FAM13A: variants seen among roughly 807,000 people sequenced by gnomAD.
FAM13A encodes protein FAM13A.
Under a neutral mutation model 129.6 loss-of-function variants are expected in FAM13A, and 76 were observed. The ratio of observed to expected loss-of-function variants is 0.59; its 90% CI spans 0.49 to 0.71. The LOEUF (loss-of-function observed/expected upper bound fraction) is 0.71. FAM13A is among the 30% of genes least tolerant of loss of function. The pLI is 0.00. For missense variants in FAM13A, 1,108 were observed against 1,249.3 expected, an observed-to-expected ratio of 0.89 and a Z score of 1.70; for synonymous variants, 443 against 449.9, an observed-to-expected ratio of 0.98 and a Z score of 0.20.
intron 13 of FAM13A, among the ~76,000 whole-genome samples, chr4:88,761,841 A>G (rs1744871500): frequency 6.6e-6 from 1 of 152,182 alleles, no homozygotes; most frequent in South Asian, 2.1e-4. Flanking sequence ...ATTTTTCAGT[A>G]CCTACTATTT....
chr4:88,826,993 C>T (rs1428111869), intron 7 of FAM13A, among the ~76,000 whole-genome samples: 1 of 152,166 alleles, frequency 6.6e-6, no homozygotes, highest in Non-Finnish European at 1.5e-5. Flanking sequence ...TTTCCCTCTT[C>T]CTTCCCCACT....
intron 4 of FAM13A, among the ~76,000 whole-genome samples, chr4:88,980,258 G>A (rs368599001): frequency 2.6e-5 from 4 of 152,304 alleles, no homozygotes; most frequent in Non-Finnish European, 4.4e-5. Context: ...ATAAACTGAC[G>A]TGTGACCAGG....
chr4:88,860,015 C>G (rs11724744), intron 6 of FAM13A, among the ~76,000 whole-genome samples: 15,701 of 152,116 alleles, frequency 0.1, 952 homozygotes, highest in Non-Finnish European at 0.14. Context: ...TTTCCCCCTC[C>G]CTTGCTGCCT....
chr4:88,802,382 T>C (rs1401489521), intron 8 of FAM13A, among the ~76,000 whole-genome samples: 2 of 151,002 alleles, frequency 1.3e-5, no homozygotes, highest in Non-Finnish European at 2.9e-5. Context: ...ACTGTTTCCT[T>C]CCTTTGCAAA....
chr4:88,905,270 T>A (rs770223569), intron 6 of FAM13A, among the ~76,000 whole-genome samples: 1 of 152,102 alleles, frequency 6.6e-6, no homozygotes, highest in Non-Finnish European at 1.5e-5. Flanking sequence ...TTAGCTGGGA[T>A]TACAGGAGCC....
At chr4:88,795,832 ATGTT>A (rs1233499103) in intron 8 of FAM13A, among the ~76,000 whole-genome samples, 2 of 151,758 alleles carry the variant, frequency 1.3e-5, no homozygotes, top group Non-Finnish European at 3.0e-5. Flanking sequence ...CTAGGTTTTC[ATGTT>A]TATTAGTTTC....
chr4:88,871,223 A>G (rs1741330631), intron 6 of FAM13A, among the ~76,000 whole-genome samples: 1 of 152,234 alleles, frequency 6.6e-6, no homozygotes, highest in Admixed American at 6.5e-5. Flanking sequence ...CATTCTAAAA[A>G]CCAGAGTGCC....
At chr4:88,942,835 T>C (rs908524306) in intron 4 of FAM13A, among the ~76,000 whole-genome samples, 1 of 152,128 alleles carries the variant, frequency 6.6e-6, no homozygotes, top group Non-Finnish European at 1.5e-5. Context: ...ATATCAACAA[T>C]ACACTGATGC....
chr4:88,810,828 CAG>C (rs1387459452), intron 7 of FAM13A, among the ~76,000 whole-genome samples: 1 of 152,082 alleles, frequency 6.6e-6, no homozygotes, highest in Non-Finnish European at 1.5e-5. Flanking sequence ...TATATCACGA[CAG>C]TATACATACA....
chr4:88,905,799 C>T (rs1748047475), intron 6 of FAM13A: 1 of 152,184 alleles, frequency 6.6e-6, no homozygotes, highest in Non-Finnish European at 1.5e-5. Flanking sequence ...ACTATCTCTT[C>T]AATAATAGGA....
chr4:88,750,502 T>G lies in FAM13A; in HGVS notation c.1862A>C (p.Tyr621Ser), dbSNP rs1486540278. 1.2e-6 allele frequency: 2 copies of G among 1,614,142 alleles called. No homozygotes were observed. The highest frequency in any genetic ancestry group is 1.7e-6 in the Non-Finnish European group (2 of 1,180,020). Reference protein sequence around the residue: ...DSDPMLSPRFYAYGQSRQYLD... With the variant: ...DSDPMLSPRFSAYGQSRQYLD... The stretch of plus-strand genomic sequence containing the variant: ...GTATTGCCTGCTCTGCCCATAAGCG[T>G]AGAACCGAGGAGAGAGCATGGGGTC... Residue 621 changes from tyrosine (Y) to serine (S), a missense_variant, in exon 15 of 24, where the codon TAC becomes TCC. Physicochemically the swap from Tyr to Ser is moderately radical, Grantham distance 144. Coordinates refer to ENST00000264344, the MANE Select transcript of FAM13A (RefSeq NM_014883.4).
rs564280892 is a variant in FAM13A at position 88,944,668 on chromosome 4, G to C, written c.606-6427C>G. ...TGTAATCCCAGCACTTTGGGAGGCC[G>C]AGGCAGGTAGATCACCTGAGGTCAG... is the stretch of plus-strand genomic sequence containing the variant. On this transcript the variant is annotated intron_variant, in intron 4 of 23. Coordinates refer to ENST00000264344, the MANE Select transcript of FAM13A (RefSeq NM_014883.4). Among the ~76,000 whole-genome samples, 97 of 152,260 alleles carry C rather than the reference G, an allele frequency of 6.4e-4. 1 individual carries two copies. The highest frequency in any genetic ancestry group is 2.3e-3 in the African/African-American group (97 of 41,544).
chr4:88,763,395 G>T (rs752276653), intron 13 of FAM13A, among the ~76,000 whole-genome samples: 2 of 152,160 alleles, frequency 1.3e-5, no homozygotes, highest in African/African-American at 4.8e-5. Flanking sequence ...TGGTGCAGGA[G>T]AGAGATACTG....
At chr4:88,777,009 T>C (rs1053086668) in intron 11 of FAM13A, among the ~76,000 whole-genome samples, 1 of 151,936 alleles carries the variant, frequency 6.6e-6, no homozygotes, top group African/African-American at 2.4e-5. Context: ...AAAAGGATTA[T>C]GCACCTAGAA....
chr4:88,921,027 GC>G (rs1236996524), intron 5 of FAM13A, among the ~76,000 whole-genome samples: 2 of 152,094 alleles, frequency 1.3e-5, no homozygotes, highest in African/African-American at 2.4e-5. Flanking sequence ...AATGAACAAA[GC>G]CCCCAAGAAA....
intron 2 of FAM13A, among the ~76,000 whole-genome samples, chr4:89,023,717 C>T (rs1767585781): frequency 6.6e-6 from 1 of 152,188 alleles, no homozygotes; most frequent in South Asian, 2.1e-4. Context: ...CCACCCACAA[C>T]TCTTATGATA....
intron 6 of FAM13A, among the ~76,000 whole-genome samples, chr4:88,869,781 T>A (rs112587481): frequency 6.6e-6 from 1 of 152,246 alleles, no homozygotes; most frequent in African/African-American, 2.4e-5. Context: ...CAATTATGTA[T>A]TCTGAAAAAA....
At chr4:88,786,869 T>C (rs1416758467) in intron 10 of FAM13A, among the ~76,000 whole-genome samples, 1 of 152,040 alleles carries the variant, frequency 6.6e-6, no homozygotes, top group Non-Finnish European at 1.5e-5. Flanking sequence ...GGGACTATTA[T>C]ATATTCATAA....
intron 1 of FAM13A, among the ~76,000 whole-genome samples, chr4:89,033,803 T>A (rs1013871509): frequency 1.3e-5 from 2 of 152,130 alleles, no homozygotes; most frequent in African/African-American, 4.8e-5. Context: ...GGTTTAAAAT[T>A]AATGTCTCTC....
Sources: gnomAD v4.1 joint callset for allele counts (sites outside exome capture counted in the v4.1 genomes callset) on GRCh38, gnomAD v4.1.1 for gene constraint, MANE v1.5 for transcripts, NCBI Gene and HGNC (gene_info 2026-07-23, HGNC 2026-07-21) for gene names.